Variants in CCDC178 observed in about 807,000 individuals in gnomAD.
CCDC178 encodes the protein coiled-coil domain-containing protein 178.
In CCDC178, 126 loss-of-function variants were observed where a neutral mutation model predicts 117.4. That is an observed-to-expected ratio of 1.07 (90% CI 0.93 to 1.24). The LOEUF (loss-of-function observed/expected upper bound fraction) is 1.24. Among genes scored for constraint, CCDC178 ranks in the 50% most tolerant of loss-of-function variants. The pLI, the probability that CCDC178 is intolerant of heterozygous loss-of-function variation, is 0.00. For missense variants in CCDC178, 1,030 were observed against 986.9 expected (o/e 1.04, Z -0.59); for synonymous variants, 283 against 313.4 (o/e 0.90, Z 1.02).
At chr18:32,988,113 A>AATC (rs1187179951) in intron 21 of CCDC178, among the ~76,000 whole-genome samples, 57 of 131,184 alleles carry the variant, frequency 4.3e-4, no homozygotes, top group African/African-American at 1.5e-3. Context: ...TAATAATAAT[A>AATC]ATAATAAATT....
At position 33,411,722 on chromosome 18, in the gene CCDC178, A is replaced by G. The variant is rs1459120017; in HGVS notation, c.58+309T>C. Among the ~76,000 whole-genome samples, 9 of 152,302 alleles carry G rather than the reference A, an allele frequency of 5.9e-5. 1 individual carries two copies. In the South Asian group the frequency reaches 1.7e-3, roughly 28 times the overall value. On this transcript the variant is annotated intron_variant, in intron 3 of 22. Coordinates refer to ENST00000383096, the MANE Select transcript of CCDC178 (RefSeq NM_001105528.4). Reference sequence around the variant, plus strand: ...CAATTTGAAGTTACCAGTGGAATGGAATCGAGAAGAGATATATACAAGAGC... The same window carrying G: ...CAATTTGAAGTTACCAGTGGAATGGGATCGAGAAGAGATATATACAAGAGC...
chr18:33,417,228 G>A (rs1409239839), intron 2 of CCDC178, among the ~76,000 whole-genome samples: 1 of 151,802 alleles, frequency 6.6e-6, no homozygotes, highest in Admixed American at 6.6e-5. Flanking sequence ...AACAAATTGT[G>A]GTACATCCAT....
At chr18:32,993,712 G>A (rs191893041) in intron 21 of CCDC178, among the ~76,000 whole-genome samples, 1 of 152,182 alleles carries the variant, frequency 6.6e-6, no homozygotes, top group East Asian at 1.9e-4. Context: ...TTTCTCTGCT[G>A]GATCATTAAG....
At chr18:33,170,503 T>C (rs2058585568) in intron 20 of CCDC178, among the ~76,000 whole-genome samples, 2 of 152,132 alleles carry the variant, frequency 1.3e-5, no homozygotes, top group Non-Finnish European at 2.9e-5. Context: ...TAACTACAGC[T>C]TTTGAAATAC....
At chr18:33,287,555 G>A (rs2060114371) in intron 12 of CCDC178, among the ~76,000 whole-genome samples, 1 of 151,996 alleles carries the variant, frequency 6.6e-6, no homozygotes, top group South Asian at 2.1e-4. Context: ...GAGGTGGGTG[G>A]ATCACCTGAG....
chr18:33,311,530 G>A (rs2062341905), intron 11 of CCDC178, among the ~76,000 whole-genome samples: 1 of 152,176 alleles, frequency 6.6e-6, no homozygotes, highest in African/African-American at 2.4e-5. Context: ...CCCCTAACCA[G>A]GAGAAAGGAT....
intron 21 of CCDC178, among the ~76,000 whole-genome samples, chr18:33,048,732 G>C (rs2056690979): frequency 6.6e-6 from 1 of 152,114 alleles, no homozygotes; most frequent in Non-Finnish European, 1.5e-5. Flanking sequence ...TTTAAGGATA[G>C]CTTCATTTTT....
In CCDC178 at chr18:33,034,085, C is replaced by T. The variant is rs1035596787; in HGVS notation, c.2388+58676G>A. ...ACTAAACCTGTCTTTTAGAAAATCA[C>T]CTGTGTCCCAAGCAAGAAACCTTGG... On this transcript the variant is annotated intron_variant, in intron 21 of 22. Coordinates refer to ENST00000383096, the MANE Select transcript of CCDC178 (RefSeq NM_001105528.4). Among the ~76,000 whole-genome samples the T allele has an allele frequency of 5.3e-5, 8 of 151,982 alleles. No homozygotes were observed. In the South Asian group the frequency reaches 1.0e-3, roughly 20 times the overall value.
rs556453787 is a variant in CCDC178 at position 33,431,976 on chromosome 18, T to C, written c.-23+7986A>G. 8.5e-4 allele frequency among the ~76,000 whole-genome samples: 130 copies of C among 152,286 alleles called. No individual in the cohort carries two copies. In the Middle Eastern group the frequency reaches 0.017, roughly 20 times the overall value. On this transcript the variant is annotated intron_variant, in intron 2 of 22. Transcript: ENST00000383096. ...GAGGTCTGTGAGCCCAGCAAGGCTA[T>C]GGTAGCAGCAAAGGAGGTGACCAGA...
At chr18:33,103,907 A>G (rs1195933429) in intron 20 of CCDC178, among the ~76,000 whole-genome samples, 1 of 151,822 alleles carries the variant, frequency 6.6e-6, no homozygotes, top group Non-Finnish European at 1.5e-5. Flanking sequence ...GAAGGACTCT[A>G]CAGTGATGAG....
intron 21 of CCDC178, among the ~76,000 whole-genome samples, chr18:33,008,552 T>C (rs2144790647): frequency 6.6e-6 from 1 of 152,196 alleles, no homozygotes; most frequent in East Asian, 1.9e-4. Flanking sequence ...TACAAATATT[T>C]TGGAAAGTAA....
At chr18:32,996,600 T>C (rs1391007191) in intron 21 of CCDC178, among the ~76,000 whole-genome samples, 2 of 151,986 alleles carry the variant, frequency 1.3e-5, no homozygotes, top group Non-Finnish European at 2.9e-5. Context: ...ACTGCATCTA[T>C]AATATAATTT....
rs1180087364 is a variant in CCDC178, at chr18:33,174,046, C to T, written c.2238+37850G>A. On this transcript the variant is annotated intron_variant, in intron 20 of 22. Coordinates refer to ENST00000383096, the MANE Select transcript of CCDC178 (RefSeq NM_001105528.4). ...TAAGAAAAGAGATGTAATTGGCTCA[C>T]GGTTCTGCAGGCTGTACAGGAAGCA... Among the ~76,000 whole-genome samples, 7 of 152,108 alleles carry T rather than the reference C, an allele frequency of 4.6e-5. No individual in the cohort carries two copies. In the East Asian group the frequency reaches 7.7e-4, roughly 17 times the overall value.
chr18:33,406,744 T>C (rs896481100), intron 3 of CCDC178, among the ~76,000 whole-genome samples: 12 of 152,124 alleles, frequency 7.9e-5, no homozygotes, highest in African/African-American at 2.4e-4. Flanking sequence ...ATAGCAAGTC[T>C]ATAATCCATA....
intron 21 of CCDC178, among the ~76,000 whole-genome samples, chr18:33,064,912 T>C (rs1234671228): frequency 1.3e-5 from 2 of 151,694 alleles, no homozygotes; most frequent in East Asian, 1.9e-4. Flanking sequence ...TATTCATCCA[T>C]AGTAAAATAT....
At chr18:32,967,837 G>T (rs1054118060) in intron 22 of CCDC178, among the ~76,000 whole-genome samples, 8 of 147,002 alleles carry the variant, frequency 5.4e-5, no homozygotes, top group African/African-American at 2.0e-4. Flanking sequence ...AATTGTGTTT[G>T]TAATTTTCAT....
At chr18:33,030,777 A>G (rs1447878339) in intron 21 of CCDC178, among the ~76,000 whole-genome samples, 1 of 152,196 alleles carries the variant, frequency 6.6e-6, no homozygotes, top group African/African-American at 2.4e-5. Flanking sequence ...TGACAGATAG[A>G]TAAGAAGATA....
chr18:33,004,429 T>C (rs543472826), intron 21 of CCDC178, among the ~76,000 whole-genome samples: 2 of 152,222 alleles, frequency 1.3e-5, no homozygotes, highest in South Asian at 4.1e-4. Flanking sequence ...ATCAGTTATC[T>C]ATATGCAGAA....
At chr18:33,383,329 A>G (rs998226402) in intron 5 of CCDC178, among the ~76,000 whole-genome samples, 10 of 152,146 alleles carry the variant, frequency 6.6e-5, no homozygotes, top group Non-Finnish European at 1.3e-4. Flanking sequence ...TGATCCTGAC[A>G]AGGGGGATTC....
Sources: allele counts gnomAD v4.1 joint callset (sites outside exome capture counted in the v4.1 genomes callset), GRCh38; gene constraint gnomAD v4.1.1; transcripts MANE v1.5; gene names NCBI Gene and HGNC (gene_info 2026-07-23, HGNC 2026-07-21).